The following VAV2 variants were observed in gnomAD, a reference collection of about 807,000 sequenced individuals.
VAV2 encodes vav guanine nucleotide exchange factor 2.
Under a neutral mutation model 132.5 loss-of-function variants are expected in VAV2, and 67 were observed. The ratio of observed to expected loss-of-function variants is 0.51; its 90% CI spans 0.42 to 0.62. VAV2 has a LOEUF of 0.62. Ranked by LOEUF, VAV2 falls within the 20% of genes least tolerant of loss-of-function variation. VAV2 has a pLI of 0.00. For synonymous variants in VAV2, 492 were observed against 443.5 expected (o/e 1.11, Z -1.37); for missense variants, 938 against 1,153.6 (o/e 0.81, Z 2.71).
chr9:133,772,146 C>T (rs1833652791), intron 25 of VAV2, 100 bp from the exon 26 acceptor site: 7 of 772,632 alleles, frequency 9.1e-6, no homozygotes, highest in Non-Finnish European at 1.4e-5. Context: ...AGCAAAGCCC[C>T]TCGTCCCTGG....
chr9:133,897,115 C>CAGAT (rs773883956), intron 2 of VAV2, among the ~76,000 whole-genome samples: 12 of 152,142 alleles, frequency 7.9e-5, no homozygotes, highest in Non-Finnish European at 1.3e-4. Flanking sequence ...CCAACCGAAA[C>CAGAT]AGATGTTGGG....
At chr9:133,990,997 G>A (rs1404236530) in intron 1 of VAV2, among the ~76,000 whole-genome samples, 1 of 152,208 alleles carries the variant, frequency 6.6e-6, no homozygotes, top group Non-Finnish European at 1.5e-5. Context: ...CCAAAGGGCA[G>A]AGGCCTCGCT....
intron 4 of VAV2, among the ~76,000 whole-genome samples, chr9:133,825,809 C>T (rs921968942): frequency 5.3e-5 from 8 of 152,174 alleles, no homozygotes; most frequent in African/African-American, 1.9e-4. Flanking sequence ...ACGGCCTCTC[C>T]CCTCCCAGGT....
chr9:133,920,294 C>T (rs1840251509), intron 2 of VAV2, among the ~76,000 whole-genome samples: 1 of 152,246 alleles, frequency 6.6e-6, no homozygotes, highest in African/African-American at 2.4e-5. Context: ...CTGGCCCTCA[C>T]CAGGCCTCAG....
intron 4 of VAV2, among the ~76,000 whole-genome samples, chr9:133,814,584 T>G (rs1835485021): frequency 6.6e-6 from 1 of 152,192 alleles, no homozygotes; most frequent in Non-Finnish European, 1.5e-5. Flanking sequence ...GGTTGGCCGT[T>G]AAATGCTGCA....
intron 1 of VAV2, among the ~76,000 whole-genome samples, chr9:133,973,771 A>G (rs902898116): frequency 1.1e-4 from 17 of 152,048 alleles, no homozygotes; most frequent in African/African-American, 4.1e-4. Context: ...CCCACCCATC[A>G]ACACCCCCAT....
chr9:133,895,161 C>T (rs73662324), intron 2 of VAV2, among the ~76,000 whole-genome samples: 2,325 of 152,244 alleles, frequency 0.015, 62 homozygotes, highest in African/African-American at 0.053. Flanking sequence ...TCAACTCCTA[C>T]AGCAAAGAGT....
At chr9:133,941,791 A>C (rs1202055150) in intron 1 of VAV2, among the ~76,000 whole-genome samples, 1 of 151,970 alleles carries the variant, frequency 6.6e-6, no homozygotes, top group Non-Finnish European at 1.5e-5. Context: ...TTTAGTAGAG[A>C]CGGGGTTTCT....
intron 1 of VAV2, among the ~76,000 whole-genome samples, chr9:133,963,438 T>C (rs939362122): frequency 5.9e-5 from 9 of 151,908 alleles, no homozygotes; most frequent in Admixed American, 4.6e-4. Context: ...TCGCTAAGGG[T>C]GTGTGTCAAC....
intron 1 of VAV2, among the ~76,000 whole-genome samples, chr9:133,951,024 G>A (rs776976954): frequency 1.2e-4 from 19 of 152,142 alleles, no homozygotes; most frequent in Non-Finnish European, 2.6e-4. Flanking sequence ...CCGGATGATC[G>A]CTCTCCAGTC....
At chr9:133,943,741 C>G (rs568846470) in intron 1 of VAV2, among the ~76,000 whole-genome samples, 81 of 152,346 alleles carry the variant, frequency 5.3e-4, no homozygotes, top group Non-Finnish European at 6.6e-4. Context: ...AGGGAGGGCT[C>G]CCGCCCCTGG....
At chr9:133,938,563 C>T (rs763245628) in intron 2 of VAV2, among the ~76,000 whole-genome samples, 17 of 152,060 alleles carry the variant, frequency 1.1e-4, no homozygotes, top group Non-Finnish European at 1.8e-4. Context: ...AGACACTTCC[C>T]GGGGTCACCA....
At chr9:133,781,094 G>A (rs1344735580) in intron 19 of VAV2, among the ~76,000 whole-genome samples, 1 of 151,026 alleles carries the variant, frequency 6.6e-6, no homozygotes. Flanking sequence ...AGTGATGCCT[G>A]CTGGGGCACG....
chr9:133,877,234 C>T (rs1277989868), intron 2 of VAV2, among the ~76,000 whole-genome samples: 2 of 152,180 alleles, frequency 1.3e-5, no homozygotes, highest in South Asian at 2.1e-4. Flanking sequence ...CAGTTGCCAG[C>T]GCCTTTCTTC....
chr9:133,845,036 T>C (rs1032010787), intron 3 of VAV2, among the ~76,000 whole-genome samples: 3 of 152,250 alleles, frequency 2.0e-5, no homozygotes, highest in Non-Finnish European at 2.9e-5. Flanking sequence ...GCAGTTTCCT[T>C]CCCTGGGCCA....
chr9:133,890,118 C>G (rs1400174040), intron 2 of VAV2, among the ~76,000 whole-genome samples: 1 of 152,180 alleles, frequency 6.6e-6, no homozygotes, highest in Non-Finnish European at 1.5e-5. Context: ...GCAGGAGTGG[C>G]AGCCAGGGCA....
chr9:133,800,834 T>G (rs966056375), intron 9 of VAV2, among the ~76,000 whole-genome samples: 4 of 152,230 alleles, frequency 2.6e-5, no homozygotes, highest in African/African-American at 9.6e-5. Flanking sequence ...ACAGCTGAGC[T>G]GGCAGCCTTC....
At chr9:133,807,976 G>C (rs895563398) in intron 7 of VAV2, among the ~76,000 whole-genome samples, 4 of 152,186 alleles carry the variant, frequency 2.6e-5, no homozygotes, top group Non-Finnish European at 4.4e-5. Flanking sequence ...GCATCCTCTG[G>C]GCCCAGCTGC....
chr9:133,956,701 G>C (rs991932497), intron 1 of VAV2, among the ~76,000 whole-genome samples: 1 of 152,198 alleles, frequency 6.6e-6, no homozygotes, highest in African/African-American at 2.4e-5. Flanking sequence ...GAGCACCAGG[G>C]GGCGAGGGAG....
Sources: gnomAD v4.1 joint callset for allele counts (sites outside exome capture counted in the v4.1 genomes callset) on GRCh38, gnomAD v4.1.1 for gene constraint, MANE v1.5 for transcripts, NCBI Gene and HGNC (gene_info 2026-07-23, HGNC 2026-07-21) for gene names.